The following PALS2 variants were observed in gnomAD, a reference collection of about 807,000 sequenced individuals.
The protein encoded by PALS2 is protein associated with LIN7 2, MAGUK p55 family member, also known as protein PALS2.
In PALS2, 27 loss-of-function variants were observed where a neutral mutation model predicts 61.6. The observed-to-expected ratio is 0.44, with a 90% confidence interval of 0.32 to 0.60. The LOEUF (loss-of-function observed/expected upper bound fraction) is 0.60. Among genes scored for constraint, PALS2 ranks in the 20% least tolerant of loss-of-function variants. The pLI, the probability that PALS2 is intolerant of heterozygous loss-of-function variation, is 0.05. For synonymous variants in PALS2, 236 were observed against 218.6 expected, an observed-to-expected ratio of 1.08 and a Z score of -0.70; for missense variants, 554 against 639.4, an observed-to-expected ratio of 0.87 and a Z score of 1.44.
chr7:24,619,193 G>A (rs1282088051), intron 1 of PALS2, among the ~76,000 whole-genome samples: 3 of 151,856 alleles, frequency 2.0e-5, no homozygotes, highest in African/African-American at 7.3e-5. Context: ...GTATTCTTCC[G>A]CTTGATCTTT....
intron 5 of PALS2, among the ~76,000 whole-genome samples, chr7:24,655,114 C>G (rs1245528900): frequency 2.0e-5 from 3 of 152,164 alleles, no homozygotes; most frequent in Non-Finnish European, 4.4e-5. Flanking sequence ...TCAACAGCAT[C>G]TTTTCTACAT....
rs57538997 is a variant in PALS2, at chr7:24,672,196, CTGTTTTGTTTTGTTTTGTTT to C, written c.1114+3566_1114+3585del. Among the ~76,000 whole-genome samples the C allele has an allele frequency of 9.0e-4, 130 of 145,190 alleles. 1 individual carries two copies. Among genetic ancestry groups the C allele is most frequent in the Middle Eastern group, 3.5e-3 (1 of 284 alleles). The stretch of plus-strand genomic sequence containing the variant: ...ACTTGGCCTTGAGGACTACTGCCAT[CTGTTTTGTTTTGTTTTGTTT>C]TGTTTTGTTTTGTTTTGTTTTGTTT... On this transcript the variant is annotated intron_variant, in intron 9 of 11. Transcript: ENST00000222644.
At chr7:24,584,906 T>G (rs1487404532) in intron 1 of PALS2, among the ~76,000 whole-genome samples, 23 of 151,962 alleles carry the variant, frequency 1.5e-4, no homozygotes, top group Admixed American at 1.4e-3. Context: ...CCAGCACCAT[T>G]TATTAAATAG....
chr7:24,669,353 G>A (rs1787186236), intron 9 of PALS2, among the ~76,000 whole-genome samples: 1 of 152,188 alleles, frequency 6.6e-6, no homozygotes, highest in South Asian at 2.1e-4. Flanking sequence ...TCAAGGAATT[G>A]GATGATGTTA....
intron 1 of PALS2, among the ~76,000 whole-genome samples, chr7:24,593,313 C>T (rs1783371427): frequency 6.6e-6 from 1 of 152,154 alleles, no homozygotes; most frequent in South Asian, 2.1e-4. Context: ...GACTTACCCA[C>T]TGAAGTCTTG....
At chr7:24,675,298 T>G (rs1787506358) in intron 9 of PALS2, among the ~76,000 whole-genome samples, 1 of 152,092 alleles carries the variant, frequency 6.6e-6, no homozygotes, top group Non-Finnish European at 1.5e-5. Context: ...ATGTTCACAA[T>G]GTTGAACCAA....
intron 9 of PALS2, among the ~76,000 whole-genome samples, chr7:24,671,478 T>C (rs1787292648): frequency 1.3e-5 from 2 of 152,214 alleles, no homozygotes; most frequent in South Asian, 2.1e-4. Context: ...CATTCTTTGT[T>C]GACTTCTCGT....
intron 3 of PALS2, among the ~76,000 whole-genome samples, chr7:24,647,777 T>C (rs1785918577): frequency 6.6e-6 from 1 of 152,232 alleles, no homozygotes; most frequent in Non-Finnish European, 1.5e-5. Flanking sequence ...TTTTTTTAAA[T>C]AGCATTGTGG....
chr7:24,624,716 C>T lies in PALS2; in HGVS notation c.117+932C>T, dbSNP rs560512797. On this transcript the variant is annotated intron_variant, in intron 2 of 11. Coordinates refer to ENST00000222644, the MANE Select transcript of PALS2 (RefSeq NM_001303037.2). The stretch of plus-strand genomic sequence containing the variant: ...CTGCCTGCTGGGTTCAAGTGATTCT[C>T]CTGCCTCAGCCTCCCGAGTAGCTGG... Among the ~76,000 whole-genome samples, 6 of 149,780 alleles carry T rather than the reference C, an allele frequency of 4.0e-5. No individual in the cohort carries two copies. The South Asian group carries it at 1.3e-3, about 32-fold the overall frequency.
chr7:24,606,766 G>C (rs1783914609), intron 1 of PALS2, among the ~76,000 whole-genome samples: 1 of 151,978 alleles, frequency 6.6e-6, no homozygotes, highest in South Asian at 2.1e-4. Context: ...TATACAGGTT[G>C]AGTATCCCTA....
At chr7:24,632,020 T>TA (rs1400255740) in intron 2 of PALS2, among the ~76,000 whole-genome samples, 1 of 152,240 alleles carries the variant, frequency 6.6e-6, no homozygotes, top group Non-Finnish European at 1.5e-5. Flanking sequence ...ATCTCTGAGC[T>TA]ATGCCTGTAC....
intron 1 of PALS2, among the ~76,000 whole-genome samples, chr7:24,586,048 A>G (rs1783053821): frequency 6.6e-6 from 1 of 152,170 alleles, no homozygotes; most frequent in Non-Finnish European, 1.5e-5. Flanking sequence ...TTATATATGT[A>G]TATACTGGTA....
chr7:24,691,403 G>GTA lies in PALS2; in HGVS notation c.*3790_*3791insAT, dbSNP rs1198045237. On this transcript the variant is annotated 3_prime_UTR_variant, in exon 12 of 12. Coordinates refer to ENST00000222644, the MANE Select transcript of PALS2 (RefSeq NM_001303037.2). ...ATATATTATGTATGTGTGTGTGTGT[G>GTA]TGTATATATATATATATATATATAT... The GTA allele has an allele frequency of 5.6e-5, 6 of 108,072 alleles. No homozygotes were observed. Among genetic ancestry groups the GTA allele is most frequent in the Admixed American group, 1.1e-4 (1 of 9,410 alleles). 6.7% of individuals were successfully genotyped at this position (108,072 alleles called of 1,614,324 possible). A position where few individuals can be genotyped will look rare whatever the true frequency, so the allele number is the denominator to read the frequency against.
intron 1 of PALS2, among the ~76,000 whole-genome samples, chr7:24,604,219 GAAAAAA>G (rs58169190): frequency 0.017 from 1,424 of 86,148 alleles, 6 homozygotes; most frequent in Non-Finnish European, 0.028. Context: ...TTCAAGAAAA[GAAAAAA>G]AAAAAAAAAA....
Position 24,691,405 on chromosome 7 carries a change from G to GTGTGTGTGTGTA in PALS2, c.*3792_*3793insGTGTGTGTGTAT, listed in dbSNP as rs1274329385. On this transcript the variant is annotated 3_prime_UTR_variant, in exon 12 of 12. Transcript: ENST00000222644. ...ATATTATGTATGTGTGTGTGTGTGT[G>GTGTGTGTGTGTA]TATATATATATATATATATATATAT... is the stretch of plus-strand genomic sequence containing the variant. The GTGTGTGTGTGTA allele has an allele frequency of 1.8e-5, 2 of 110,596 alleles. No homozygotes were observed. Among genetic ancestry groups the GTGTGTGTGTGTA allele is most frequent in the African/African-American group, 3.1e-5 (1 of 32,340 alleles). 6.9% of individuals were successfully genotyped at this position (110,596 alleles called of 1,614,324 possible).
Position 24,573,771 on chromosome 7 carries a change from G to C in PALS2, c.-3+178G>C, listed in dbSNP as rs1285921592. Among the ~76,000 whole-genome samples the C allele has an allele frequency of 1.4e-5, 2 of 146,960 alleles. No individual in the cohort carries two copies. Among genetic ancestry groups the C allele is most frequent in the East Asian group, 4.0e-4 (2 of 5,056 alleles). On this transcript the variant is annotated intron_variant, in intron 1 of 11. Coordinates refer to ENST00000222644, the MANE Select transcript of PALS2 (RefSeq NM_001303037.2). The surrounding 1 kb of genome is among the most constrained non-coding windows in gnomAD (Gnocchi z 5.3). Reference sequence around the variant, plus strand: ...GAGGGACCGGCAGGCGGCGGCGGCGGCGCCGCGGTCGGGGAGGCTGCTGGC... The same window carrying C: ...GAGGGACCGGCAGGCGGCGGCGGCGCCGCCGCGGTCGGGGAGGCTGCTGGC...
intron 1 of PALS2, among the ~76,000 whole-genome samples, chr7:24,606,729 C>T (rs1290401104): frequency 6.6e-6 from 1 of 151,960 alleles, no homozygotes; most frequent in African/African-American, 2.4e-5. Context: ...AGGAATGAGC[C>T]ACTGCTCCTG....
chr7:24,649,574 T>A, intron 3 of PALS2, 38 bp from the exon 4 acceptor site: 1 of 1,488,490 alleles, frequency 6.7e-7, no homozygotes, highest in African/African-American at 1.4e-5. Flanking sequence ...TTCATCCACA[T>A]ATCATAAATA....
rs868150692 is a variant in PALS2 at position 24,689,596 on chromosome 7, T to C, written c.*1982T>C. ...AGGTTTTTCTTTTTTTTTTTTTTTT[T>C]CTTTTTTTGATTCTAGATTTCATGG... On this transcript the variant is annotated 3_prime_UTR_variant, in exon 12 of 12. Coordinates refer to ENST00000222644, the MANE Select transcript of PALS2 (RefSeq NM_001303037.2). The C allele has an allele frequency of 5.3e-5, 8 of 150,864 alleles. No homozygotes were observed. Among genetic ancestry groups the C allele is most frequent in the African/African-American group, 4.9e-5 (2 of 40,932 alleles). 9.3% of individuals were successfully genotyped at this position (150,864 alleles called of 1,614,324 possible).
Sources: allele counts gnomAD v4.1 joint callset (sites outside exome capture counted in the v4.1 genomes callset), GRCh38; gene constraint gnomAD v4.1.1; non-coding constraint Gnocchi (gnomAD v3.1); transcripts MANE v1.5; gene names NCBI Gene and HGNC (gene_info 2026-07-23, HGNC 2026-07-21).